The following MORC4 variants were observed in gnomAD, a reference collection of about 807,000 sequenced individuals.
The protein encoded by MORC4 is MORC family CW-type zinc finger protein 4.
In MORC4, 22 loss-of-function variants were observed where a neutral mutation model predicts 65.5. That is an observed-to-expected ratio of 0.34 (90% confidence interval 0.24 to 0.48). The LOEUF (loss-of-function observed/expected upper bound fraction) is 0.48, where lower values mean the gene tolerates loss of function less well. MORC4 is among the 20% of genes least tolerant of loss of function. MORC4 has a pLI of 0.99. For missense variants in MORC4, 624 were observed against 703.0 expected (o/e 0.89, Z 1.27); for synonymous variants, 267 against 255.8 (o/e 1.04, Z -0.42).
chrX:106,969,779 AG>A (rs1238002793), intron 9 of MORC4, among the ~76,000 whole-genome samples: 1 of 112,149 alleles, frequency 8.9e-6, no homozygotes, highest in Non-Finnish European at 1.9e-5. Context: ...TAAAGCAGGA[AG>A]AAGCTGAATC....
chrX:106,977,428 T>C (rs769887367), intron 8 of MORC4, among the ~76,000 whole-genome samples: 3 of 111,700 alleles, frequency 2.7e-5, no homozygotes, highest in East Asian at 5.6e-4. Context: ...ATCTGTAAAA[T>C]AGGAATAAAA....
At chrX:106,999,525 C>T in intron 2 of MORC4, 152 bp downstream of exon 2, 1 of 414,300 alleles carries the variant, frequency 2.4e-6, no homozygotes, top group Non-Finnish European at 3.9e-6. Context: ...AGCCATCCCC[C>T]TCCTCCGCCT....
At chrX:106,950,306 A>AT (rs1030195549) in intron 14 of MORC4, among the ~76,000 whole-genome samples, 1 of 111,838 alleles carries the variant, frequency 8.9e-6, no homozygotes, top group Non-Finnish European at 1.9e-5. Flanking sequence ...GATCTCCATT[A>AT]TTTTTGACAA....
rs1934255266 is a variant in MORC4, at chrX:106,961,956, C to T, written c.1256+56G>A. On this transcript the variant is annotated intron_variant, in intron 10 of 16. Coordinates refer to ENST00000355610, the MANE Select transcript of MORC4 (RefSeq NM_024657.5). ...CCAGACACATTACCCTTGTTCCTTC[C>T]ATTTGATCTATGGATATTACCCCTA... 4.1e-6 allele frequency: 4 copies of T among 966,926 alleles called. No individual in the cohort carries two copies. In the Admixed American group the frequency reaches 9.2e-5, roughly 22 times the overall value. The allele number at this position is 966,926 out of a possible 1,213,427, so 79.7% of individuals were successfully genotyped here.
chrX:106,979,153 C>T (rs1394979118), intron 7 of MORC4, among the ~76,000 whole-genome samples: 2 of 110,698 alleles, frequency 1.8e-5, no homozygotes, highest in Non-Finnish European at 3.8e-5. Context: ...CTCCATGCCC[C>T]CTCTAAAAGA....
chrX:106,970,882 C>T (rs899476532), intron 9 of MORC4, among the ~76,000 whole-genome samples: 1 of 111,806 alleles, frequency 8.9e-6, no homozygotes, highest in African/African-American at 3.3e-5. Context: ...TGAAAATGGC[C>T]TTAGTGCCCA....
intron 14 of MORC4, among the ~76,000 whole-genome samples, chrX:106,946,888 C>T (rs113322174): frequency 6.3e-5 from 7 of 111,367 alleles, no homozygotes; most frequent in African/African-American, 2.0e-4. Flanking sequence ...ATGATCCTCC[C>T]GTCTCAGCCT....
At chrX:106,949,203 A>G (rs1002543567) in intron 14 of MORC4, among the ~76,000 whole-genome samples, 4 of 110,678 alleles carry the variant, frequency 3.6e-5, no homozygotes, top group Non-Finnish European at 7.6e-5. Flanking sequence ...AATTTTTTTC[A>G]TATCAGTTAT....
chrX:106,988,250 A>C (rs1934912225), intron 3 of MORC4, among the ~76,000 whole-genome samples: 1 of 111,772 alleles, frequency 8.9e-6, no homozygotes, highest in African/African-American at 3.2e-5. Flanking sequence ...AAAAGCTTCA[A>C]TTAGGTGATC....
intron 9 of MORC4, among the ~76,000 whole-genome samples, chrX:106,974,812 A>T (rs1204829474): frequency 9.0e-6 from 1 of 111,513 alleles, no homozygotes; most frequent in Non-Finnish European, 1.9e-5. Context: ...CCTCTCTTAA[A>T]TTCCTTTTTT....
intron 2 of MORC4, 141 bp downstream of exon 2, chrX:106,999,536 G>T: frequency 2.2e-6 from 1 of 446,248 alleles, no homozygotes; most frequent in Non-Finnish European, 3.5e-6. Context: ...TCCTCCGCCT[G>T]CGGAGCCGGG....
intron 2 of MORC4, 109 bp downstream of exon 2, chrX:106,999,568 C>A: frequency 1.3e-6 from 1 of 750,496 alleles, no homozygotes; most frequent in Non-Finnish European, 1.8e-6. Flanking sequence ...GGCCCCCACC[C>A]CAGCCCCGGC....
At chrX:106,968,530 A>G (rs1205769813) in intron 9 of MORC4, among the ~76,000 whole-genome samples, 1 of 109,543 alleles carries the variant, frequency 9.1e-6, no homozygotes, top group Non-Finnish European at 1.9e-5. Context: ...CAAACTGGAT[A>G]AAGAGTCAAG....
At position 106,962,077 on chromosome X, in the gene MORC4, A is replaced by T. The variant is rs1934260372; in HGVS notation, c.1191T>A (p.Asn397Lys). ...LTINALAQKL[N>K]AYWKEKTSQD... ...GAGATGTTTTTTCCTTCCAGTAAGC[A>T]TTGAGCTTCTGGGCAAGGGCATTTA... The change falls in exon 10 of 17, where the codon AAT (asparagine) becomes AAA (lysine). Residue 397 changes from asparagine to lysine, a missense_variant. Physicochemically the swap from Asn to Lys is moderately conservative, Grantham distance 94. Transcript: ENST00000355610. 3.3e-6 allele frequency: 4 copies of T among 1,209,240 alleles called. No individual in the cohort carries two copies. The East Asian group carries it at 1.2e-4, about 36-fold the overall frequency.
At chrX:106,985,058 T>G (rs1461095587) in intron 5 of MORC4, 38 bp downstream of exon 5, 1 of 1,066,656 alleles carries the variant, frequency 9.4e-7, no homozygotes, top group Admixed American at 2.9e-5. Context: ...TCATACTACC[T>G]TTGTTTATTA....
chrX:106,993,707 C>T (rs1053635708), intron 2 of MORC4, among the ~76,000 whole-genome samples: 2 of 112,395 alleles, frequency 1.8e-5, no homozygotes, highest in Non-Finnish European at 3.8e-5. Context: ...TGCCTTTTAG[C>T]CCCTTTACTG....
chrX:106,967,284 C>G, intron 9 of MORC4, among the ~76,000 whole-genome samples: 1 of 111,855 alleles, frequency 8.9e-6, no homozygotes, highest in Admixed American at 9.4e-5. Context: ...AAAAGGACAT[C>G]CACACCAAAA....
intron 9 of MORC4, among the ~76,000 whole-genome samples, chrX:106,971,471 G>C (rs901967154): frequency 8.9e-6 from 1 of 112,018 alleles, no homozygotes; most frequent in African/African-American, 3.2e-5. Context: ...CAAATGGGAT[G>C]TAATTAAACT....
Position 106,955,035 on chromosome X carries a change from A to T in MORC4, c.1563T>A (p.Asn521Lys). 8.3e-7 allele frequency: 1 copy of T among 1,206,886 alleles called. No individual in the cohort carries two copies. The highest frequency in any genetic ancestry group is 1.1e-6 in the Non-Finnish European group (1 of 891,923). ...ILTVQEMAGL[N>K]NKTIGYEGIH... ...TTCCCTCATATCCAATTGTCTTGTTATTCAATCCAGCCATTTCTTGAACAG... is the reference window on the plus strand; with the variant it reads ...TTCCCTCATATCCAATTGTCTTGTTTTTCAATCCAGCCATTTCTTGAACAG... The change falls in exon 14 of 17, where the codon AAT becomes AAA. Residue 521 changes from asparagine to lysine, a missense_variant. Asn to Lys is a moderately conservative substitution (Grantham distance 94, BLOSUM62 0). Coordinates refer to ENST00000355610, the MANE Select transcript of MORC4 (RefSeq NM_024657.5).
Sources: gnomAD v4.1 joint callset for allele counts (sites outside exome capture counted in the v4.1 genomes callset) on GRCh38, gnomAD v4.1.1 for gene constraint, MANE v1.5 for transcripts, NCBI Gene and HGNC (gene_info 2026-07-23, HGNC 2026-07-21) for gene names.